PTPRJ: variants seen among roughly 807,000 people sequenced by gnomAD.
PTPRJ encodes protein tyrosine phosphatase receptor type J, also known as receptor-type tyrosine-protein phosphatase eta.
A neutral mutation model predicts 141.3 loss-of-function variants in PTPRJ; 129 were observed. That is an observed-to-expected ratio of 0.91 (90% CI 0.79 to 1.06). The LOEUF (loss-of-function observed/expected upper bound fraction) is 1.06. PTPRJ is among the 50% of genes least tolerant of loss of function. PTPRJ has a pLI of 0.00. For synonymous variants in PTPRJ, 610 were observed against 640.5 expected (o/e 0.95, Z 0.72); for missense variants, 1,601 against 1,679.7 (o/e 0.95, Z 0.82).
At chr11:48,126,383 C>G (rs1444354287) in intron 6 of PTPRJ, among the ~76,000 whole-genome samples, 1 of 152,050 alleles carries the variant, frequency 6.6e-6, no homozygotes, top group Non-Finnish European at 1.5e-5. Context: ...CTTTCCCTCT[C>G]TATAAGGGGC....
At chr11:48,164,609 C>G (rs1857873655) in intron 24 of PTPRJ, 94 bp downstream of exon 24, 1 of 1,317,168 alleles carries the variant, frequency 7.6e-7, no homozygotes, top group Non-Finnish European at 1.0e-6. Flanking sequence ...CTCTGTCGCC[C>G]AGGCTGGAGT....
At chr11:48,061,333 C>T (rs1161551423) in intron 1 of PTPRJ, among the ~76,000 whole-genome samples, 1 of 152,150 alleles carries the variant, frequency 6.6e-6, no homozygotes, top group East Asian at 1.9e-4. Context: ...TAGGAGTGGC[C>T]ACCTGACCCT....
rs367578352 is a variant in PTPRJ, at chr11:48,071,144, C to G, written c.97-38914C>G. ...AGTGAAAAGAAGGGTTAGATACTCT[C>G]TAGTTCACTTTTCTTCCAGTGCAGG... On this transcript the variant is annotated intron_variant, in intron 1 of 24. Transcript: ENST00000418331. Among the ~76,000 whole-genome samples, 6 of 152,292 alleles carry G rather than the reference C, an allele frequency of 3.9e-5. No homozygotes were observed. In the East Asian group the frequency reaches 1.2e-3, roughly 29 times the overall value.
At chr11:48,055,297 G>T (rs1325103182) in intron 1 of PTPRJ, among the ~76,000 whole-genome samples, 1 of 152,210 alleles carries the variant, frequency 6.6e-6, no homozygotes, top group African/African-American at 2.4e-5. Context: ...AGGGAATATG[G>T]ATTCTTTTGG....
chr11:48,105,165 C>T (rs971211939), intron 1 of PTPRJ, among the ~76,000 whole-genome samples: 40 of 152,086 alleles, frequency 2.6e-4, no homozygotes, highest in Admixed American at 5.2e-4. Flanking sequence ...TACCCTGAAG[C>T]ACCCCCAAGC....
At chr11:47,995,334 T>C (rs1366634363) in intron 1 of PTPRJ, among the ~76,000 whole-genome samples, 2 of 152,188 alleles carry the variant, frequency 1.3e-5, no homozygotes, top group African/African-American at 2.4e-5. Flanking sequence ...AAACTGAGGC[T>C]CAGAACCTCT....
intron 1 of PTPRJ, among the ~76,000 whole-genome samples, chr11:47,998,805 C>A (rs1854410904): frequency 6.6e-6 from 1 of 152,112 alleles, no homozygotes; most frequent in South Asian, 2.1e-4. Flanking sequence ...CCCTGATCTA[C>A]TTGAATAATC....
intron 1 of PTPRJ, among the ~76,000 whole-genome samples, chr11:48,055,645 C>CA: frequency 6.6e-6 from 1 of 152,320 alleles, no homozygotes; most frequent in Non-Finnish European, 1.5e-5. Flanking sequence ...TACTGACAGA[C>CA]ATCCCTGTGC....
intron 6 of PTPRJ, among the ~76,000 whole-genome samples, chr11:48,126,189 C>A (rs1426695560): frequency 6.6e-6 from 1 of 152,124 alleles, no homozygotes; most frequent in Non-Finnish European, 1.5e-5. Context: ...GGGAAGGTCC[C>A]TTTGACTGAT....
At chr11:47,991,963 A>C (rs981775628) in intron 1 of PTPRJ, among the ~76,000 whole-genome samples, 2 of 152,172 alleles carry the variant, frequency 1.3e-5, no homozygotes, top group South Asian at 4.1e-4. Flanking sequence ...TTACAATTCA[A>C]AAATTAAATT....
intron 1 of PTPRJ, among the ~76,000 whole-genome samples, chr11:48,016,045 G>C (rs1854943363): frequency 6.6e-6 from 1 of 152,018 alleles, no homozygotes; most frequent in South Asian, 2.1e-4. Context: ...AGGTCTGTTT[G>C]GCTTTTGCAG....
Position 47,998,936 on chromosome 11 carries a change from A to T in PTPRJ, c.96+17928A>T, listed in dbSNP as rs138179479. Among the ~76,000 whole-genome samples, 8 of 152,298 alleles carry T rather than the reference A, an allele frequency of 5.3e-5. No individual in the cohort carries two copies. In the East Asian group the frequency reaches 1.5e-3, roughly 29 times the overall value. On this transcript the variant is annotated intron_variant, in intron 1 of 24. Transcript: ENST00000418331. ...AATACAGCAAGAGCCTTCCTCAGGG[A>T]TGAAACATGTGATCTTATGGTCTGA...
chr11:47,991,780 T>C (rs1854199184), intron 1 of PTPRJ, among the ~76,000 whole-genome samples: 1 of 152,154 alleles, frequency 6.6e-6, no homozygotes, highest in Non-Finnish European at 1.5e-5. Context: ...CTTCTAATGC[T>C]TGGAGTCTCT....
intron 1 of PTPRJ, among the ~76,000 whole-genome samples, chr11:48,088,821 T>C (rs1414609907): frequency 2.0e-5 from 3 of 152,312 alleles, no homozygotes; most frequent in African/African-American, 7.2e-5. Flanking sequence ...GTTTTTCTAC[T>C]GAGGCTTTGT....
chr11:48,128,185 C>A (rs1856891008), intron 7 of PTPRJ, 142 bp downstream of exon 7: 3 of 1,097,490 alleles, frequency 2.7e-6, no homozygotes, highest in African/African-American at 1.6e-5. Flanking sequence ...CTTGCACTGG[C>A]ACATTGTATG....
At chr11:48,144,537 T>C in intron 12 of PTPRJ, 138 bp from the exon 13 acceptor site, 1 of 692,018 alleles carries the variant, frequency 1.4e-6, no homozygotes, top group Non-Finnish European at 2.4e-6. Flanking sequence ...TCAATGTAAG[T>C]CAAACCTGGC....
intron 1 of PTPRJ, among the ~76,000 whole-genome samples, chr11:48,097,684 T>C (rs1856047002): frequency 6.6e-6 from 1 of 151,984 alleles, no homozygotes; most frequent in Non-Finnish European, 1.5e-5. Flanking sequence ...ACTACAGGTA[T>C]ACACTGCCAA....
chr11:48,089,971 C>T (rs992671612), intron 1 of PTPRJ, among the ~76,000 whole-genome samples: 9 of 152,198 alleles, frequency 5.9e-5, no homozygotes, highest in South Asian at 2.1e-4. Flanking sequence ...AATGAAATAT[C>T]CCATGTAAGA....
At chr11:48,047,567 G>A (rs1310778883) in intron 1 of PTPRJ, among the ~76,000 whole-genome samples, 2 of 151,340 alleles carry the variant, frequency 1.3e-5, no homozygotes, top group Non-Finnish European at 2.9e-5. Flanking sequence ...GCAGTGGTGG[G>A]ATCTCAGCTC....
Sources: allele counts gnomAD v4.1 joint callset (sites outside exome capture counted in the v4.1 genomes callset), GRCh38; gene constraint gnomAD v4.1.1; transcripts MANE v1.5; gene names NCBI Gene and HGNC (gene_info 2026-07-23, HGNC 2026-07-21).